PPA2: variants seen among roughly 807,000 people sequenced by gnomAD.
PPA2 encodes the protein inorganic pyrophosphatase 2, mitochondrial.
Under a neutral mutation model 49.5 loss-of-function variants are expected in PPA2, and 48 were observed. The ratio of observed to expected loss-of-function variants is 0.97; its 90% confidence interval spans 0.77 to 1.23. PPA2 has a LOEUF of 1.23. PPA2 is among the 50% of genes most tolerant of loss of function. The pLI, the probability that PPA2 is intolerant of heterozygous loss-of-function variation, is 0.00. For synonymous variants in PPA2, 131 were observed against 139.9 expected, an observed-to-expected ratio of 0.94 and a Z score of 0.45; for missense variants, 429 against 410.1, an observed-to-expected ratio of 1.05 and a Z score of -0.40.
chr4:105,390,506 A>G (rs2172028), intron 9 of PPA2, among the ~76,000 whole-genome samples: 64,406 of 151,942 alleles, frequency 0.42, 14,292 homozygotes, highest in East Asian at 0.68. Flanking sequence ...GGATATGAGC[A>G]GACATTTCTT....
intron 6 of PPA2, among the ~76,000 whole-genome samples, chr4:105,432,900 C>A (rs1202073175): frequency 2.0e-5 from 3 of 152,128 alleles, no homozygotes; most frequent in Non-Finnish European, 4.4e-5. Flanking sequence ...TGCCAACTTA[C>A]TAGCAATGTA....
intron 6 of PPA2, among the ~76,000 whole-genome samples, chr4:105,427,380 G>A (rs954939463): frequency 5.9e-5 from 9 of 152,056 alleles, no homozygotes; most frequent in Non-Finnish European, 4.4e-5. Context: ...GCTTCAGAAG[G>A]TCGATAATAA....
intron 3 of PPA2, among the ~76,000 whole-genome samples, chr4:105,450,609 T>C (rs1722631983): frequency 2.2e-5 from 1 of 45,926 alleles, no homozygotes; most frequent in Non-Finnish European, 5.1e-5. Flanking sequence ...TTCTTTTTTT[T>C]TTTTTTTTTT....
chr4:105,419,232 G>A (rs546843062), intron 7 of PPA2, among the ~76,000 whole-genome samples: 1 of 152,256 alleles, frequency 6.6e-6, no homozygotes, highest in African/African-American at 2.4e-5. Flanking sequence ...ATGTATACAT[G>A]TGCCATGTTG....
intron 6 of PPA2, among the ~76,000 whole-genome samples, chr4:105,431,331 A>T (rs1001690674): frequency 6.6e-6 from 1 of 152,210 alleles, no homozygotes; most frequent in Non-Finnish European, 1.5e-5. Flanking sequence ...ATTGGATAAA[A>T]TAATTATCCA....
At chr4:105,414,910 A>T (rs1578836716) in intron 7 of PPA2, among the ~76,000 whole-genome samples, 1 of 152,138 alleles carries the variant, frequency 6.6e-6, no homozygotes, top group East Asian at 1.9e-4. Flanking sequence ...AGAAGTGGGT[A>T]GCTCCTATCC....
chr4:105,370,695 G>T, intron 11 of PPA2, 142 bp downstream of exon 11: 2 of 1,149,390 alleles, frequency 1.7e-6, no homozygotes, highest in Non-Finnish European at 1.1e-6. Flanking sequence ...TGAAATTTTA[G>T]CGACTATTTT....
At chr4:105,439,218 T>C (rs982924316) in intron 5 of PPA2, among the ~76,000 whole-genome samples, 6 of 152,182 alleles carry the variant, frequency 3.9e-5, no homozygotes, top group African/African-American at 7.2e-5. Context: ...TTCCATTTTA[T>C]AGATAAGTAA....
intron 10 of PPA2, among the ~76,000 whole-genome samples, chr4:105,380,475 T>C (rs953731164): frequency 6.6e-6 from 1 of 152,196 alleles, no homozygotes; most frequent in Admixed American, 6.6e-5. Context: ...ATTGTTTTTC[T>C]GGGCATATAA....
At chr4:105,455,895 G>T (rs1221841076) in intron 2 of PPA2, among the ~76,000 whole-genome samples, 1 of 152,122 alleles carries the variant, frequency 6.6e-6, no homozygotes, top group African/African-American at 2.4e-5. Flanking sequence ...TGTGGTCCTG[G>T]TTATTTACTT....
intron 2 of PPA2, 188 bp from the exon 3 acceptor site, chr4:105,453,830 CATCA>C: frequency 7.2e-6 from 3 of 414,822 alleles, no homozygotes; most frequent in Non-Finnish European, 4.3e-6. Flanking sequence ...CAGAATAGAG[CATCA>C]AAGTGTTTCA....
intron 10 of PPA2, among the ~76,000 whole-genome samples, chr4:105,374,396 T>C (rs1283380134): frequency 6.6e-6 from 1 of 152,204 alleles, no homozygotes; most frequent in African/African-American, 2.4e-5. Flanking sequence ...CTGTGTCTTT[T>C]ATTAAATAAT....
In PPA2 at chr4:105,398,994, G is replaced by A. The variant is rs184650363; in HGVS notation, c.783+43C>T. 11 of 1,584,908 alleles carry A rather than the reference G, an allele frequency of 6.9e-6. No homozygotes were observed. The Admixed American group carries it at 1.6e-4, about 23-fold the overall frequency. On this transcript the variant is annotated intron_variant, in intron 8 of 11. Coordinates refer to ENST00000341695, the MANE Select transcript of PPA2 (RefSeq NM_176869.3). The stretch of plus-strand genomic sequence containing the variant: ...TCCCAAGTGAAACGAATATTGTACA[G>A]GTATCAGGAGGTACATTTTAAAATA...
intron 1 of PPA2, among the ~76,000 whole-genome samples, chr4:105,460,347 A>G (rs989212024): frequency 6.0e-5 from 9 of 150,512 alleles, no homozygotes; most frequent in African/African-American, 2.2e-4. Context: ...CCCATAAGGG[A>G]AAAAAAAATA....
intron 2 of PPA2, among the ~76,000 whole-genome samples, chr4:105,454,738 T>C (rs9686015): frequency 0.044 from 6,655 of 152,214 alleles, 498 homozygotes; most frequent in African/African-American, 0.15. Context: ...ACCATGCGTA[T>C]CCATTTCCAT....
In PPA2 at chr4:105,424,295, C is replaced by G. The variant is rs1723388883; in HGVS notation, c.556G>C (p.Val186Leu). The change falls in exon 7 of 12, where the codon GTG (valine) becomes CTG (leucine). Residue 186 changes from valine to leucine, a missense_variant. By Grantham distance (32) the Val-to-Leu change is conservative (BLOSUM62 1). Coordinates refer to ENST00000341695, the MANE Select transcript of PPA2 (RefSeq NM_176869.3). ...AGAGCCAAAATTCCAAGGATCTTCA[C>G]ATGAATAACTTCTCCACAAGAAAGA... ...KILSCGEVIH[V>L]KILGILALID... 6.2e-7 allele frequency: 1 copy of G among 1,601,160 alleles called. No individual in the cohort carries two copies. Among genetic ancestry groups the G allele is most frequent in the African/African-American group, 1.3e-5 (1 of 74,122 alleles).
chr4:105,372,097 G>C (rs959138720), intron 10 of PPA2, among the ~76,000 whole-genome samples: 4 of 152,184 alleles, frequency 2.6e-5, no homozygotes, highest in African/African-American at 4.8e-5. Context: ...GTGTAGCCTG[G>C]TTTCTACACA....
intron 6 of PPA2, among the ~76,000 whole-genome samples, chr4:105,429,782 A>G (rs1442279140): frequency 3.9e-5 from 6 of 152,224 alleles, no homozygotes; most frequent in Admixed American, 3.9e-4. Flanking sequence ...ACATTGCTTC[A>G]TAGTACCTTT....
chr4:105,404,944 G>A (rs2636747), intron 7 of PPA2: 16,447 of 152,330 alleles, frequency 0.11, 1,403 homozygotes, highest in East Asian at 0.43. Context: ...TTAGCTGGGC[G>A]TGGTGGCGGG....
Sources: allele counts gnomAD v4.1 joint callset (sites outside exome capture counted in the v4.1 genomes callset), GRCh38; gene constraint gnomAD v4.1.1; transcripts MANE v1.5; gene names NCBI Gene and HGNC (gene_info 2026-07-23, HGNC 2026-07-21).